GAN: variants seen among roughly 807,000 people sequenced by gnomAD.
The protein encoded by GAN is epididymis secretory sperm binding protein.
Under a neutral mutation model 71.3 loss-of-function variants are expected in GAN, and 48 were observed. That is an observed-to-expected ratio of 0.67 (90% CI 0.53 to 0.86). GAN has a LOEUF of 0.86. Ranked by LOEUF, GAN falls within the 40% of genes least tolerant of loss-of-function variation. The probability of loss-of-function intolerance (pLI) is 0.00; values close to 1 mark genes in which losing one functional copy is unlikely to be tolerated. For synonymous variants in GAN, 386 were observed against 276.8 expected (o/e 1.39, Z -3.92); for missense variants, 928 against 770.1 (o/e 1.21, Z -2.43).
In GAN at chr16:81,365,156, T is replaced by A. The variant is rs762037445; in HGVS notation, c.1373+46T>A. 5 of 1,601,952 alleles carry A rather than the reference T, an allele frequency of 3.1e-6. No homozygotes were observed. In the South Asian group the frequency reaches 5.5e-5, roughly 18 times the overall value. ...CTTTGTAGATTCCCTTGCTGTTCACTGGGTCTGGAGCCCCTTACCCTGCCT... is the reference window on the plus strand; with the variant it reads ...CTTTGTAGATTCCCTTGCTGTTCACAGGGTCTGGAGCCCCTTACCCTGCCT... On this transcript the variant is annotated intron_variant, in intron 8 of 10. Coordinates refer to ENST00000648994, the MANE Select transcript of GAN (RefSeq NM_022041.4).
intron 1 of GAN, among the ~76,000 whole-genome samples, chr16:81,335,868 A>G (rs146397005): frequency 5.2e-4 from 79 of 152,308 alleles, no homozygotes; most frequent in Non-Finnish European, 9.7e-4. Context: ...GGCAGAGAGA[A>G]ATGAATAGAG....
intron 9 of GAN, among the ~76,000 whole-genome samples, chr16:81,375,704 A>G (rs1904277790): frequency 6.6e-6 from 1 of 151,922 alleles, no homozygotes; most frequent in Non-Finnish European, 1.5e-5. Context: ...GGTGGCTCAC[A>G]CCTGCAATCC....
rs1904427665 is a variant in GAN at position 81,387,201 on chromosome 16, A to T, written c.*9605A>T. The T allele has an allele frequency of 6.6e-6, 1 of 152,228 alleles. No homozygotes were observed. The highest frequency in any genetic ancestry group is 2.4e-5 in the African/African-American group (1 of 41,460). The allele number at this position is 152,228 out of a possible 1,614,324, so 9.4% of individuals were successfully genotyped here. A position where few individuals can be genotyped will look rare whatever the true frequency, so the allele number is the denominator to read the frequency against. On this transcript the variant is annotated 3_prime_UTR_variant, in exon 11 of 11. Transcript: ENST00000648994. ...TCTTCATAGTGTAATGGCTAAATGT[A>T]AAGTCTTACGTCTCGGTTCAAGAAA...
intron 1 of GAN, among the ~76,000 whole-genome samples, chr16:81,340,327 C>G (rs1050503881): frequency 6.6e-6 from 1 of 152,156 alleles, no homozygotes; most frequent in Non-Finnish European, 1.5e-5. Context: ...AAAACCCATC[C>G]AGTCACATGA....
At chr16:81,349,731 T>C (rs1011417574) in intron 1 of GAN, among the ~76,000 whole-genome samples, 11 of 152,226 alleles carry the variant, frequency 7.2e-5, no homozygotes, top group African/African-American at 1.2e-4. Context: ...TTGTTGACTT[T>C]ATTGTAGAAG....
chr16:81,326,910 C>G (rs375775196), intron 1 of GAN, among the ~76,000 whole-genome samples: 2 of 152,276 alleles, frequency 1.3e-5, no homozygotes, highest in African/African-American at 4.8e-5. Flanking sequence ...ACTGTCCTGC[C>G]GAAAAAGTAA....
intron 2 of GAN, among the ~76,000 whole-genome samples, chr16:81,352,215 T>C (rs1910323010): frequency 6.6e-6 from 1 of 152,186 alleles, no homozygotes; most frequent in Non-Finnish European, 1.5e-5. Context: ...CTGGTCCTGT[T>C]GCCTCAGTAG....
chr16:81,334,330 T>A (rs916769927), intron 1 of GAN, among the ~76,000 whole-genome samples: 5 of 152,306 alleles, frequency 3.3e-5, no homozygotes, highest in Admixed American at 6.5e-5. Flanking sequence ...TGCACCTCCA[T>A]TGTGAAGGTG....
At chr16:81,361,701 G>A (rs901564267) in intron 5 of GAN, among the ~76,000 whole-genome samples, 2 of 151,982 alleles carry the variant, frequency 1.3e-5, no homozygotes, top group African/African-American at 2.4e-5. Context: ...GATTATTATT[G>A]TTGTTATTTT....
chr16:81,349,668 G>A (rs1371181474), intron 1 of GAN, among the ~76,000 whole-genome samples: 2 of 152,076 alleles, frequency 1.3e-5, no homozygotes, highest in Non-Finnish European at 2.9e-5. Context: ...AAGAAATTTT[G>A]TTAATATTAT....
At chr16:81,345,236 C>G (rs1231741749) in intron 1 of GAN, among the ~76,000 whole-genome samples, 1 of 152,198 alleles carries the variant, frequency 6.6e-6, no homozygotes, top group African/African-American at 2.4e-5. Flanking sequence ...TTTGACCCAG[C>G]AATCCCATTA....
chr16:81,359,913 A>AT (rs1363928346), intron 5 of GAN, among the ~76,000 whole-genome samples: 5 of 152,180 alleles, frequency 3.3e-5, no homozygotes, highest in Non-Finnish European at 7.3e-5. Context: ...GAACTCACCT[A>AT]TTTTCGGACT....
In GAN at chr16:81,356,555, C is replaced by T. The variant is rs138324044; in HGVS notation, c.634-230C>T. On this transcript the variant is annotated intron_variant, in intron 3 of 10. Transcript: ENST00000648994. The stretch of plus-strand genomic sequence containing the variant: ...CTGCTTGAAACTTTTACAGTGATAC[C>T]TCAAATAAACTGATGATTTTTAAAA... 3.5e-3 allele frequency among the ~76,000 whole-genome samples: 536 copies of T among 152,160 alleles called. 5 individuals carry two copies. Among genetic ancestry groups the T allele is most frequent in the African/African-American group, 0.012 (500 of 41,508 alleles).
rs923029952 is a variant in GAN at position 81,351,612 on chromosome 16, A to G, written c.197A>G (p.Asp66Gly). Residue 66 changes from aspartate (D) to glycine (G), a missense_variant, in exon 2 of 11, where the codon GAT becomes GGT. By Grantham distance (94) the Asp-to-Gly change is moderately conservative. Transcript: ENST00000648994. ...RTKLNYNPPK[D>G]DGSTYKIELE... The stretch of plus-strand genomic sequence containing the variant: ...AAGTTAAACTATAATCCTCCAAAAG[A>G]TGATGGATCAACTTATAAGATTGAA... The G allele has an allele frequency of 2.0e-6, 3 of 1,532,986 alleles. No homozygotes were observed. Among genetic ancestry groups the G allele is most frequent in the East Asian group, 2.2e-5 (1 of 44,502 alleles). 95.0% of individuals were successfully genotyped at this position (1,532,986 alleles called of 1,614,324 possible).
chr16:81,333,347 C>A (rs934351427), intron 1 of GAN, among the ~76,000 whole-genome samples: 1 of 152,006 alleles, frequency 6.6e-6, no homozygotes, highest in African/African-American at 2.4e-5. Context: ...ATATCCCATT[C>A]CTCACTAACC....
chr16:81,346,009 C>T (rs1259353368), intron 1 of GAN, among the ~76,000 whole-genome samples: 1 of 152,210 alleles, frequency 6.6e-6, no homozygotes, highest in Non-Finnish European at 1.5e-5. Context: ...GTACAGCTAG[C>T]TCTTGGTTGA....
intron 1 of GAN, among the ~76,000 whole-genome samples, chr16:81,337,922 G>A (rs183330228): frequency 1.3e-5 from 2 of 152,318 alleles, no homozygotes; most frequent in Admixed American, 6.5e-5. Context: ...TTTGGCCAGA[G>A]TTAAGCCTCT....
At chr16:81,333,835 C>G (rs144021728) in intron 1 of GAN, among the ~76,000 whole-genome samples, 96 of 152,278 alleles carry the variant, frequency 6.3e-4, no homozygotes, top group African/African-American at 2.1e-3. Flanking sequence ...GTAGCTGTCC[C>G]TCTAGGGATG....
intron 1 of GAN, among the ~76,000 whole-genome samples, chr16:81,337,162 C>T (rs1375434624): frequency 2.0e-5 from 3 of 152,100 alleles, no homozygotes. Context: ...GAAACAAATT[C>T]CCTACAGGAA....
Sources: gnomAD v4.1 joint callset for allele counts (sites outside exome capture counted in the v4.1 genomes callset) on GRCh38, gnomAD v4.1.1 for gene constraint, MANE v1.5 for transcripts, NCBI Gene and HGNC (gene_info 2026-07-23, HGNC 2026-07-21) for gene names.